MTMR12: variants seen among roughly 807,000 people sequenced by gnomAD.
The protein encoded by MTMR12 is myotubularin related protein 12, also known as myotubularin-related protein 12.
MTMR12 carries 33 observed loss-of-function variants against 96.7 expected under a neutral mutation model. The ratio of observed to expected loss-of-function variants is 0.34; its 90% CI spans 0.26 to 0.46. The LOEUF (loss-of-function observed/expected upper bound fraction) is 0.46. MTMR12 is among the 20% of genes least tolerant of loss of function. MTMR12 has a pLI of 1.00. For synonymous variants in MTMR12, 298 were observed against 327.2 expected (o/e 0.91, Z 0.96); for missense variants, 721 against 896.1 (o/e 0.80, Z 2.49).
At chr5:32,269,088 A>G (rs1749726239) in intron 5 of MTMR12, among the ~76,000 whole-genome samples, 1 of 151,242 alleles carries the variant, frequency 6.6e-6, no homozygotes, top group Non-Finnish European at 1.5e-5. Context: ...GTGCAGTGGC[A>G]TGATCTTGGC....
intron 8 of MTMR12, among the ~76,000 whole-genome samples, chr5:32,252,245 A>G (rs1748959338): frequency 6.6e-6 from 1 of 152,234 alleles, no homozygotes; most frequent in African/African-American, 2.4e-5. Flanking sequence ...ACTGGGTGAA[A>G]AGCCAGGGTA....
Position 32,229,643 on chromosome 5 carries a change from C to T in MTMR12, c.*135G>A. The T allele has an allele frequency of 1.4e-6, 1 of 736,032 alleles. No individual in the cohort carries two copies. Among genetic ancestry groups the T allele is most frequent in the Non-Finnish European group, 2.0e-6 (1 of 504,186 alleles). 45.6% of individuals were successfully genotyped at this position (736,032 alleles called of 1,614,324 possible). On this transcript the variant is annotated 3_prime_UTR_variant, in exon 16 of 16. Coordinates refer to ENST00000382142, the MANE Select transcript of MTMR12 (RefSeq NM_001040446.3). ...AAAAATAATGAGAGCCACCTCTTTT[C>T]CCGAAGGCCCAGGTTTATTCTAACG...
At chr5:32,286,367 A>G (rs1224757644) in intron 1 of MTMR12, among the ~76,000 whole-genome samples, 2 of 152,068 alleles carry the variant, frequency 1.3e-5, no homozygotes, top group Admixed American at 1.3e-4. Context: ...ATGATGAATA[A>G]GAATTGACTT....
rs1751653962 is a variant in MTMR12 at position 32,312,743 on chromosome 5, G to A, written c.81+15C>T. On this transcript the variant is annotated intron_variant, in intron 1 of 15. Coordinates refer to ENST00000382142, the MANE Select transcript of MTMR12 (RefSeq NM_001040446.3). The surrounding 1 kb of genome is among the most constrained non-coding windows in gnomAD (Gnocchi z 5.0). Reference sequence around the variant, plus strand: ...CGCCCCTGCCCGACGCCCCGCCTGCGCGGCGCCCCCTCACCTCAGGGCGTA... The same window carrying A: ...CGCCCCTGCCCGACGCCCCGCCTGCACGGCGCCCCCTCACCTCAGGGCGTA... 1.3e-6 allele frequency: 2 copies of A among 1,500,102 alleles called. No individual in the cohort carries two copies. Among genetic ancestry groups the A allele is most frequent in the African/African-American group, 1.4e-5 (1 of 69,258 alleles). 92.9% of individuals were successfully genotyped at this position (1,500,102 alleles called of 1,614,324 possible). A position where few individuals can be genotyped will look rare whatever the true frequency, so the allele number is the denominator to read the frequency against.
In MTMR12 at chr5:32,303,335, C is replaced by T. The variant is rs371170906; in HGVS notation, c.81+9423G>A. On this transcript the variant is annotated intron_variant, in intron 1 of 15. Transcript: ENST00000382142. Reference sequence around the variant, plus strand: ...CAAGCTCTTGCTTTCCTTAGAGTTGCGATACGGGAGGTAAGCAAAGGGGAA... The same window carrying T: ...CAAGCTCTTGCTTTCCTTAGAGTTGTGATACGGGAGGTAAGCAAAGGGGAA... Among the ~76,000 whole-genome samples the T allele has an allele frequency of 5.9e-5, 9 of 152,144 alleles. No individual in the cohort carries two copies. The East Asian group carries it at 1.4e-3, about 23-fold the overall frequency.
At chr5:32,270,215 G>GA (rs1054372769) in intron 5 of MTMR12, among the ~76,000 whole-genome samples, 2 of 150,856 alleles carry the variant, frequency 1.3e-5, no homozygotes, top group Non-Finnish European at 3.0e-5. Context: ...AAAAAAAAAA[G>GA]AAAAAAAAAT....
intron 1 of MTMR12, among the ~76,000 whole-genome samples, chr5:32,294,618 C>G (rs950043469): frequency 6.6e-6 from 1 of 152,060 alleles, no homozygotes; most frequent in African/African-American, 2.4e-5. Context: ...GCACTTTTCA[C>G]GCTGAACTGC....
intron 1 of MTMR12, among the ~76,000 whole-genome samples, chr5:32,295,366 A>G (rs1020936925): frequency 5.9e-5 from 9 of 152,268 alleles, no homozygotes; most frequent in African/African-American, 1.9e-4. Context: ...TCTGGTCTCA[A>G]GGTAACAAAC....
intron 1 of MTMR12, among the ~76,000 whole-genome samples, chr5:32,296,831 G>C (rs914933359): frequency 3.4e-5 from 5 of 149,250 alleles, no homozygotes; most frequent in Non-Finnish European, 5.9e-5. Flanking sequence ...GGCCGGGCGC[G>C]GTGGCTCACG....
intron 3 of MTMR12, among the ~76,000 whole-genome samples, 174 bp from the exon 4 acceptor site, chr5:32,272,079 C>T (rs1749858349): frequency 6.6e-6 from 1 of 152,028 alleles, no homozygotes; most frequent in Non-Finnish European, 1.5e-5. Context: ...ATCACGAGGT[C>T]AGGAGATCGA....
At chr5:32,291,002 T>C (rs1750719826) in intron 1 of MTMR12, among the ~76,000 whole-genome samples, 1 of 152,110 alleles carries the variant, frequency 6.6e-6, no homozygotes, top group South Asian at 2.1e-4. Context: ...CAACATTCCA[T>C]CATCAAATGG....
chr5:32,252,819 A>G (rs943131717), intron 8 of MTMR12, among the ~76,000 whole-genome samples: 1 of 152,240 alleles, frequency 6.6e-6, no homozygotes, highest in African/African-American at 2.4e-5. Flanking sequence ...AAGAGAAAAC[A>G]GTTTGATGTT....
chr5:32,251,722 G>A (rs1748934280), intron 8 of MTMR12, among the ~76,000 whole-genome samples: 1 of 152,144 alleles, frequency 6.6e-6, no homozygotes, highest in African/African-American at 2.4e-5. Flanking sequence ...AATAGACTTG[G>A]GAAAGGCAAC....
At position 32,246,170 on chromosome 5, in the gene MTMR12, G is replaced by GTTTTTTTTTTTTT. The variant is rs113738556; in HGVS notation, c.1021+1819_1021+1831dup. ...GGTTTCGGTGCCTATTGAGTAGACAGTTTTTTTTTTTTTTGAGATGGAGTC... is the reference window on the plus strand; with the variant it reads ...GGTTTCGGTGCCTATTGAGTAGACAGTTTTTTTTTTTTTTTTTTTTTTTTTTTGAGATGGAGTC... On this transcript the variant is annotated intron_variant, in intron 10 of 15. Coordinates refer to ENST00000382142, the MANE Select transcript of MTMR12 (RefSeq NM_001040446.3). 1.9e-3 allele frequency among the ~76,000 whole-genome samples: 157 copies of GTTTTTTTTTTTTT among 82,794 alleles called. 2 individuals are homozygous for GTTTTTTTTTTTTT. The highest frequency in any genetic ancestry group is 6.2e-3 in the African/African-American group (155 of 25,078). 54.3% of individuals were successfully genotyped at this position (82,794 alleles called of 152,430 possible). A position where few individuals can be genotyped will look rare whatever the true frequency, so the allele number is the denominator to read the frequency against.
intron 3 of MTMR12, 24 bp from the exon 4 acceptor site, chr5:32,271,929 C>T: frequency 7.4e-7 from 1 of 1,353,076 alleles, no homozygotes; most frequent in Non-Finnish European, 1.0e-6. Context: ...AAGGAAACAA[C>T]TGTGACTCCT....
rs949104069 is a variant in MTMR12, at chr5:32,239,247, C to T, written c.1172-74G>A. ...GTTAAAAAGTTTCAGAATGCTCTCACTTGCACAGTTAAAAGTAGGATTCCC... is the reference window on the plus strand; with the variant it reads ...GTTAAAAAGTTTCAGAATGCTCTCATTTGCACAGTTAAAAGTAGGATTCCC... On this transcript the variant is annotated intron_variant, in intron 12 of 15. Coordinates refer to ENST00000382142, the MANE Select transcript of MTMR12 (RefSeq NM_001040446.3). 5.0e-6 allele frequency: 7 copies of T among 1,405,380 alleles called. No homozygotes were observed. In the African/African-American group the frequency reaches 7.1e-5, roughly 14 times the overall value. The allele number at this position is 1,405,380 out of a possible 1,614,324, so 87.1% of individuals were successfully genotyped here. A position where few individuals can be genotyped will look rare whatever the true frequency, so the allele number is the denominator to read the frequency against.
rs370005501 is a variant in MTMR12, at chr5:32,312,084, T to C, written c.81+674A>G. 8.5e-5 allele frequency among the ~76,000 whole-genome samples: 13 copies of C among 152,294 alleles called. No individual in the cohort carries two copies. In the East Asian group the frequency reaches 2.5e-3, roughly 29 times the overall value. On this transcript the variant is annotated intron_variant, in intron 1 of 15. Transcript: ENST00000382142. The surrounding 1 kb of genome is among the most constrained non-coding windows in gnomAD (Gnocchi z 5.0). ...ACACACAGTAGGAGCTCGAGAAGTA[T>C]TTTCTGAATGAATGAACAAATTTCT...
chr5:32,281,248 T>TA (rs72123716), intron 1 of MTMR12, among the ~76,000 whole-genome samples: 8,260 of 107,204 alleles, frequency 0.077, 473 homozygotes, highest in African/African-American at 0.15. Flanking sequence ...ACTCTATCAT[T>TA]AAAAAAAAAA....
chr5:32,253,851 C>T (rs1353637863), intron 8 of MTMR12, among the ~76,000 whole-genome samples: 2 of 152,184 alleles, frequency 1.3e-5, no homozygotes, highest in Admixed American at 1.3e-4. Context: ...CTCAAACTCC[C>T]GGGTTCAAGC....
Sources: gnomAD v4.1 joint callset for allele counts (sites outside exome capture counted in the v4.1 genomes callset) on GRCh38, gnomAD v4.1.1 for gene constraint, Gnocchi (gnomAD v3.1) non-coding constraint, MANE v1.5 for transcripts, NCBI Gene and HGNC (gene_info 2026-07-23, HGNC 2026-07-21) for gene names.